Variants in DCN observed in about 807,000 individuals in gnomAD.
DCN encodes the protein decorin, also known as bone proteoglycan II.
DCN carries 17 observed loss-of-function variants against 36.5 expected under a neutral mutation model. That is an observed-to-expected ratio of 0.47 (90% CI 0.32 to 0.70). The LOEUF (loss-of-function observed/expected upper bound fraction) is 0.70, where lower values mean the gene tolerates loss of function less well. Ranked by LOEUF, DCN falls within the 30% of genes least tolerant of loss-of-function variation. The pLI, the probability that DCN is intolerant of heterozygous loss-of-function variation, is 0.04. For missense variants in DCN, 389 were observed against 430.1 expected (o/e 0.90, Z 0.84); for synonymous variants, 163 against 161.4 (o/e 1.01, Z -0.07).
rs190963696 is a variant in DCN at position 91,176,020 on chromosome 12, G to A, written c.211+2322C>T. 43 of 152,200 alleles carry A rather than the reference G, an allele frequency of 2.8e-4. No individual in the cohort carries two copies. The East Asian group carries it at 8.3e-3, about 29-fold the overall frequency. The allele number at this position is 152,200 out of a possible 1,614,324, so 9.4% of individuals were successfully genotyped here. ...ATTTTTCTGCAGATGGAGATGTCAA[G>A]GCTCTCAACAGCTTGCCAGCATCAT... On this transcript the variant is annotated intron_variant, in intron 2 of 7. Transcript: ENST00000052754.
intron 7 of DCN, among the ~76,000 whole-genome samples, chr12:91,150,012 C>T (rs1024094945): frequency 1.6e-4 from 25 of 151,870 alleles, no homozygotes; most frequent in Admixed American, 3.9e-4. Flanking sequence ...AAAACAATAC[C>T]TTTCAAAGCC....
At chr12:91,153,399 T>C (rs3138261) in intron 5 of DCN, among the ~76,000 whole-genome samples, 2,586 of 152,180 alleles carry the variant, frequency 0.017, 69 homozygotes, top group African/African-American at 0.058. Flanking sequence ...TCTCTTAGGT[T>C]GACTTTAACA....
Position 91,143,539 on chromosome 12 carries a change from T to A in DCN, c.*2519A>T, listed in dbSNP as rs989302878. On this transcript the variant is annotated 3_prime_UTR_variant, in exon 8 of 8. Coordinates refer to ENST00000052754, the MANE Select transcript of DCN (RefSeq NM_001920.5). ...TATAGCTCGAACTGTGTGCCTGTAATAACAATGGCAGTAGCAACACCATAG... is the reference window on the plus strand; with the variant it reads ...TATAGCTCGAACTGTGTGCCTGTAAAAACAATGGCAGTAGCAACACCATAG... The A allele has an allele frequency of 6.6e-6, 1 of 152,180 alleles. No individual in the cohort carries two copies. The highest frequency in any genetic ancestry group is 1.5e-5 in the Non-Finnish European group (1 of 68,028). 9.4% of individuals were successfully genotyped at this position (152,180 alleles called of 1,614,324 possible). A position where few individuals can be genotyped will look rare whatever the true frequency, so the allele number is the denominator to read the frequency against.
At chr12:91,163,672 A>G (rs1185684449) in intron 3 of DCN, among the ~76,000 whole-genome samples, 1 of 152,212 alleles carries the variant, frequency 6.6e-6, no homozygotes, top group Admixed American at 6.5e-5. Context: ...GAGAAAATCA[A>G]AATAAACATA....
intron 2 of DCN, chr12:91,175,276 A>G (rs1268488323): frequency 1.3e-5 from 2 of 151,990 alleles, no homozygotes; most frequent in African/African-American, 2.4e-5. Flanking sequence ...AACAAGTTCA[A>G]TGAAACAACT....
At chr12:91,154,713 TTC>T (rs1178999163) in intron 5 of DCN, among the ~76,000 whole-genome samples, 1 of 152,172 alleles carries the variant, frequency 6.6e-6, no homozygotes, top group Admixed American at 6.5e-5. Context: ...ATTTTAAATT[TTC>T]TTTTTTCTTT....
At chr12:91,165,304 T>C (rs1882483874) in intron 2 of DCN, among the ~76,000 whole-genome samples, 1 of 152,230 alleles carries the variant, frequency 6.6e-6, no homozygotes, top group South Asian at 2.1e-4. Context: ...TCCATTTCAG[T>C]TGATATTTTA....
At chr12:91,161,003 C>G (rs1454525421) in intron 3 of DCN, among the ~76,000 whole-genome samples, 1 of 152,106 alleles carries the variant, frequency 6.6e-6, no homozygotes, top group Non-Finnish European at 1.5e-5. Flanking sequence ...TCATTTCTCT[C>G]CTTCCTTAAG....
chr12:91,148,888 CTT>C (rs1337417320), intron 7 of DCN, among the ~76,000 whole-genome samples: 1 of 151,992 alleles, frequency 6.6e-6, no homozygotes, highest in Non-Finnish European at 1.5e-5. Flanking sequence ...GAAAGCAACA[CTT>C]ATATGTATGG....
At chr12:91,157,745 C>T (rs1881886057) in intron 4 of DCN, among the ~76,000 whole-genome samples, 2 of 152,044 alleles carry the variant, frequency 1.3e-5, no homozygotes, top group Non-Finnish European at 1.5e-5. Flanking sequence ...TCTCCTGCCT[C>T]AGCCTCCCGA....
chr12:91,168,611 C>T (rs1353116448), intron 2 of DCN, among the ~76,000 whole-genome samples: 1 of 152,162 alleles, frequency 6.6e-6, no homozygotes, highest in African/African-American at 2.4e-5. Context: ...ATGAGTATGG[C>T]TTTGAGATCA....
intron 2 of DCN, chr12:91,177,353 C>T (rs1883354446): frequency 3.9e-6 from 2 of 516,566 alleles, no homozygotes; most frequent in South Asian, 5.9e-5. Flanking sequence ...TGCTAGAAAG[C>T]ATGTTCTGAG....
chr12:91,164,274 C>A (rs910542746), intron 3 of DCN, among the ~76,000 whole-genome samples: 32 of 150,450 alleles, frequency 2.1e-4, no homozygotes, highest in African/African-American at 6.9e-4. Flanking sequence ...CTAGATGACA[C>A]GTTAGTGGGT....
At position 91,146,110 on chromosome 12, in the gene DCN, G is replaced by A; in HGVS notation, c.1028C>T (p.Thr343Ile). The A allele has an allele frequency of 1.2e-6, 2 of 1,613,890 alleles. No individual in the cohort carries two copies. Among genetic ancestry groups the A allele is most frequent in the Non-Finnish European group, 1.7e-6 (2 of 1,179,910 alleles). ...AGAGCGCACGTAGACACATCTGAAGGTGGATGGCTGTATCTCCCAGTACTG... is the reference window on the plus strand; with the variant it reads ...AGAGCGCACGTAGACACATCTGAAGATGGATGGCTGTATCTCCCAGTACTG... ...PVQYWEIQPS[T>I]FRCVYVRSAI... The change falls in exon 8 of 8, where the codon ACC becomes ATC. Residue 343 changes from threonine to isoleucine, a missense_variant. Thr to Ile is a moderately conservative substitution (Grantham distance 89, BLOSUM62 -1). Transcript: ENST00000052754.
chr12:91,176,668 A>C (rs1850516774), intron 2 of DCN: 1 of 152,196 alleles, frequency 6.6e-6, no homozygotes, highest in Non-Finnish European at 1.5e-5. Flanking sequence ...AAACTTCACT[A>C]AAGTGACTGG....
intron 3 of DCN, among the ~76,000 whole-genome samples, chr12:91,158,783 G>A (rs562195862): frequency 3.3e-5 from 5 of 152,264 alleles, no homozygotes; most frequent in East Asian, 1.9e-4. Flanking sequence ...CCAGCATGGC[G>A]AAATCCCGTC....
intron 2 of DCN, chr12:91,176,607 A>G (rs571264685): frequency 6.6e-6 from 1 of 152,150 alleles, no homozygotes; most frequent in Non-Finnish European, 1.5e-5. Flanking sequence ...GTCAAGGTTT[A>G]TGAGCTATTT....
chr12:91,180,834 C>T (rs1868367857), intron 1 of DCN: 1 of 152,088 alleles, frequency 6.6e-6, no homozygotes, highest in Admixed American at 6.6e-5. Flanking sequence ...TAATGTCTTA[C>T]AAGTTTAAAA....
In DCN at chr12:91,142,418, C is replaced by T. The variant is rs1880782378; in HGVS notation, c.*3640G>A. 1 of 152,156 alleles carries T rather than the reference C, an allele frequency of 6.6e-6. No homozygotes were observed. The highest frequency in any genetic ancestry group is 2.1e-4 in the South Asian group (1 of 4,832). 9.4% of individuals were successfully genotyped at this position (152,156 alleles called of 1,614,324 possible). A position where few individuals can be genotyped will look rare whatever the true frequency, so the allele number is the denominator to read the frequency against. ...TCGTATAAAGATAAGATTATGATATCCTGCAGCTGCCTCTGCAATAAAATT... is the reference window on the plus strand; with the variant it reads ...TCGTATAAAGATAAGATTATGATATTCTGCAGCTGCCTCTGCAATAAAATT... On this transcript the variant is annotated 3_prime_UTR_variant, in exon 8 of 8. Transcript: ENST00000052754.
Sources: allele counts gnomAD v4.1 joint callset (sites outside exome capture counted in the v4.1 genomes callset), GRCh38; gene constraint gnomAD v4.1.1; transcripts MANE v1.5; gene names NCBI Gene and HGNC (gene_info 2026-07-23, HGNC 2026-07-21).